FRMD4A: variants seen among roughly 807,000 people sequenced by gnomAD.
The protein encoded by FRMD4A is FERM domain-containing protein 4A.
Under a neutral mutation model 129.1 loss-of-function variants are expected in FRMD4A, and 29 were observed. That is an observed-to-expected ratio of 0.22 (90% confidence interval 0.17 to 0.31). The LOEUF is 0.31. Ranked by LOEUF, FRMD4A falls within the 10% of genes least tolerant of loss-of-function variation. FRMD4A has a pLI of 1.00. For synonymous variants in FRMD4A, 634 were observed against 571.6 expected (o/e 1.11, Z -1.56); for missense variants, 1,272 against 1,375.8 (o/e 0.92, Z 1.19).
chr10:13,838,294 GT>G (rs1322422186), intron 3 of FRMD4A, among the ~76,000 whole-genome samples: 7 of 140,560 alleles, frequency 5.0e-5, no homozygotes, highest in Non-Finnish European at 1.1e-4. Flanking sequence ...GGATCTCCCT[GT>G]GTTGCCCAGG....
At chr10:14,030,186 G>T (rs778446768) in intron 2 of FRMD4A, among the ~76,000 whole-genome samples, 2 of 152,196 alleles carry the variant, frequency 1.3e-5, no homozygotes, top group Non-Finnish European at 2.9e-5. Flanking sequence ...AATGCACAGC[G>T]ATGTGACTGA....
intron 13 of FRMD4A, among the ~76,000 whole-genome samples, chr10:13,705,336 C>T (rs951742796): frequency 2.6e-5 from 4 of 152,278 alleles, no homozygotes; most frequent in African/African-American, 7.2e-5. Context: ...GGGCGACAGA[C>T]GCACAGAGAA....
intron 3 of FRMD4A, among the ~76,000 whole-genome samples, chr10:13,846,387 T>G (rs2094045735): frequency 6.6e-6 from 1 of 152,214 alleles, no homozygotes; most frequent in Non-Finnish European, 1.5e-5. Context: ...AAGCAGAGAT[T>G]TGCAAACCCA....
At chr10:13,947,438 C>T (rs956163258) in intron 2 of FRMD4A, among the ~76,000 whole-genome samples, 4 of 152,030 alleles carry the variant, frequency 2.6e-5, no homozygotes, top group Non-Finnish European at 5.9e-5. Flanking sequence ...AAAACCAGGG[C>T]ACTCAGTTAC....
At chr10:13,954,497 C>A (rs2095395968) in intron 2 of FRMD4A, among the ~76,000 whole-genome samples, 2 of 152,190 alleles carry the variant, frequency 1.3e-5, no homozygotes, top group South Asian at 4.1e-4. Flanking sequence ...CCCACCGGGT[C>A]TCTCTCATGA....
intron 23 of FRMD4A, 40 bp downstream of exon 23, chr10:13,654,376 T>C: frequency 1.6e-6 from 2 of 1,271,504 alleles, no homozygotes; most frequent in Non-Finnish European, 2.3e-6. Context: ...ATGACACTCT[T>C]TCGAGCTGAC....
intron 2 of FRMD4A, among the ~76,000 whole-genome samples, chr10:14,075,033 A>AG (rs1448429955): frequency 7.0e-6 from 1 of 142,340 alleles, no homozygotes. Flanking sequence ...TGTCCTTATG[A>AG]ATTAAAAAAG....
At chr10:14,270,542 T>C (rs1247910253) in intron 2 of FRMD4A, among the ~76,000 whole-genome samples, 1 of 152,180 alleles carries the variant, frequency 6.6e-6, no homozygotes, top group Non-Finnish European at 1.5e-5. Context: ...TGACCATAGC[T>C]GCAGAAGTCA....
intron 2 of FRMD4A, among the ~76,000 whole-genome samples, chr10:14,023,941 TA>T (rs34811053): frequency 0.19 from 28,379 of 150,444 alleles, 3,165 homozygotes; most frequent in East Asian, 0.44. Context: ...CAGCATCCTC[TA>T]AAAAAAAAAT....
intron 5 of FRMD4A, among the ~76,000 whole-genome samples, chr10:13,789,590 A>G (rs967444047): frequency 1.3e-5 from 2 of 148,322 alleles, no homozygotes; most frequent in Non-Finnish European, 1.5e-5. Flanking sequence ...ACACACACAC[A>G]TGACGCAGAC....
chr10:13,684,871 GAAAA>G (rs11315548), intron 15 of FRMD4A: 3 of 876,802 alleles, frequency 3.4e-6, no homozygotes, highest in Non-Finnish European at 4.1e-6. Flanking sequence ...AGACCTTAGA[GAAAA>G]AAAAAAAAAA....
chr10:14,285,244 T>C (rs1845645673), intron 2 of FRMD4A, among the ~76,000 whole-genome samples: 1 of 152,210 alleles, frequency 6.6e-6, no homozygotes, highest in Non-Finnish European at 1.5e-5. Context: ...CTTTCCTAGT[T>C]TCTATATTCA....
At chr10:14,256,976 GA>G (rs1356809993) in intron 2 of FRMD4A, among the ~76,000 whole-genome samples, 5 of 152,052 alleles carry the variant, frequency 3.3e-5, no homozygotes, top group African/African-American at 9.7e-5. Context: ...TTTATTTGGG[GA>G]AAAAAATTTA....
chr10:13,705,818 G>T (rs1230232632), intron 13 of FRMD4A, among the ~76,000 whole-genome samples: 2 of 152,218 alleles, frequency 1.3e-5, no homozygotes, highest in Non-Finnish European at 2.9e-5. Flanking sequence ...TGGAGATGCA[G>T]AAACTCTCAG....
At chr10:14,284,437 AG>A (rs1845617771) in intron 2 of FRMD4A, among the ~76,000 whole-genome samples, 1 of 152,182 alleles carries the variant, frequency 6.6e-6, no homozygotes, top group South Asian at 2.1e-4. Context: ...TCACGAGATC[AG>A]GACATCAAGA....
At chr10:13,811,094 G>T (rs2093436384) in intron 3 of FRMD4A, among the ~76,000 whole-genome samples, 186 bp from the exon 4 acceptor site, 1 of 151,780 alleles carries the variant, frequency 6.6e-6, no homozygotes, top group African/African-American at 2.4e-5. Flanking sequence ...CAAGTCAAGG[G>T]TCATCAACAG....
rs1395537171 is a variant in FRMD4A at position 13,943,290 on chromosome 10, C to A, written c.46-84378G>T. The stretch of plus-strand genomic sequence containing the variant: ...AGAGTAACAGAGAAATAGACCCAGG[C>A]CTGGTGGGAGGTTGGAAGGCAGCAA... On this transcript the variant is annotated intron_variant, in intron 2 of 24. Transcript: ENST00000357447. Among the ~76,000 whole-genome samples the A allele has an allele frequency of 3.3e-5, 5 of 152,050 alleles. No individual in the cohort carries two copies. The South Asian group carries it at 8.3e-4, about 25-fold the overall frequency.
chr10:14,277,840 G>C (rs1003916093), intron 2 of FRMD4A, among the ~76,000 whole-genome samples: 1 of 152,194 alleles, frequency 6.6e-6, no homozygotes, highest in African/African-American at 2.4e-5. Flanking sequence ...GGGGAGCTCC[G>C]GCATTCTCTG....
At chr10:14,071,466 A>G (rs550511098) in intron 2 of FRMD4A, among the ~76,000 whole-genome samples, 1 of 152,350 alleles carries the variant, frequency 6.6e-6, no homozygotes, top group Non-Finnish European at 1.5e-5. Context: ...AATTACATTT[A>G]AAAATTGAAA....
Sources: gnomAD v4.1 joint callset for allele counts (sites outside exome capture counted in the v4.1 genomes callset) on GRCh38, gnomAD v4.1.1 for gene constraint, MANE v1.5 for transcripts, NCBI Gene and HGNC (gene_info 2026-07-23, HGNC 2026-07-21) for gene names.